The following UCKL1 variants were observed in gnomAD, a reference collection of about 807,000 sequenced individuals.
The protein encoded by UCKL1 is uridine-cytidine kinase 1 like 1.
UCKL1 carries 65 observed loss-of-function variants against 59.2 expected under a neutral mutation model. The ratio of observed to expected loss-of-function variants is 1.10; its 90% confidence interval spans 0.90 to 1.35. The LOEUF (loss-of-function observed/expected upper bound fraction) is 1.35, where lower values mean the gene tolerates loss of function less well. Among genes scored for constraint, UCKL1 ranks in the 40% most tolerant of loss-of-function variants. The pLI, the probability that UCKL1 is intolerant of heterozygous loss-of-function variation, is 0.00. For synonymous variants in UCKL1, 410 were observed against 323.1 expected (o/e 1.27, Z -2.88); for missense variants, 703 against 784.3 (o/e 0.90, Z 1.24).
At chr20:63,950,902 C>T in intron 1 of UCKL1, 1 of 1,420,476 alleles carries the variant, frequency 7.0e-7, no homozygotes, top group Non-Finnish European at 9.2e-7. Context: ...CAGGCGCAGG[C>T]AGCCGTGGGG....
At chr20:63,947,530 G>T (rs986051479) in intron 1 of UCKL1, among the ~76,000 whole-genome samples, 2 of 152,238 alleles carry the variant, frequency 1.3e-5, no homozygotes, top group African/African-American at 2.4e-5. Context: ...GAGAGGCAGA[G>T]GGCTCAGCCA....
At chr20:63,948,662 T>TGTGAGAGGGAGGGGGC in intron 1 of UCKL1, among the ~76,000 whole-genome samples, 1 of 86,786 alleles carries the variant, frequency 1.2e-5, no homozygotes, top group Non-Finnish European at 2.4e-5. Context: ...GAGGGGCGTG[T>TGTGAGAGGGAGGGGGC]GTGAGAGGGA....
intron 1 of UCKL1, chr20:63,948,206 C>T: frequency 6.6e-6 from 1 of 152,356 alleles, no homozygotes; most frequent in Non-Finnish European, 1.5e-5. Context: ...CTTGGCCCTG[C>T]AGGTCATGGC....
At position 63,940,809 on chromosome 20, in the gene UCKL1, G is replaced by C. The variant is rs1194062492; in HGVS notation, c.1164C>G (p.Cys388Trp). The stretch of plus-strand genomic sequence containing the variant: ...AGGCAGGTACCTGCTTCCCCGCATA[G>C]CACTTGCCCGCATAGTCCTGCCCCT... ...TPQGQDYAGK[C>W]YAGKQITGVS... The change falls in exon 11 of 15, where the codon TGC becomes TGG. Residue 388 changes from cysteine to tryptophan, a missense_variant. By Grantham distance (215) the Cys-to-Trp change is radical. Around this residue, in one of 4 missense-constraint regions of UCKL1, gnomAD observed 156 missense variants for 185.6 expected, o/e 0.84. Transcript: ENST00000354216. 15 of 1,579,074 alleles carry C rather than the reference G, an allele frequency of 9.5e-6. No homozygotes were observed. Among genetic ancestry groups the C allele is most frequent in the Admixed American group, 3.4e-5 (2 of 58,330 alleles).
At chr20:63,942,984 C>A (rs2055051164) in intron 8 of UCKL1, among the ~76,000 whole-genome samples, 1 of 152,180 alleles carries the variant, frequency 6.6e-6, no homozygotes. Flanking sequence ...TGAGGGCTCT[C>A]CCTCCAGGTG....
chr20:63,942,534 G>T, intron 8 of UCKL1: 1 of 1,124,828 alleles, frequency 8.9e-7, no homozygotes, highest in Non-Finnish European at 1.1e-6. Flanking sequence ...AACAAGGCAG[G>T]AAACGGGGGT....
At position 63,946,265 on chromosome 20, in the gene UCKL1, AGCCTGCCG is replaced by A. The variant is rs1188216643; in HGVS notation, c.305-6_306del. 6.3e-7 allele frequency: 1 copy of A among 1,588,750 alleles called. No homozygotes were observed. Among genetic ancestry groups the A allele is most frequent in the Non-Finnish European group, 8.6e-7 (1 of 1,168,688 alleles). ...TTCCCAGAGGCACTGCCGCCTCCCA[AGCCTGCCG>A]GCGGGAGTGGAGACCCTCTGTGAGG... On this transcript the variant is annotated splice_acceptor_variant and splice_polypyrimidine_tract_variant and coding_sequence_variant and intron_variant, in exon 3 of 15. Coordinates refer to ENST00000354216, the MANE Select transcript of UCKL1 (RefSeq NM_017859.4). LOFTEE classifies it high-confidence loss of function.
intron 1 of UCKL1, among the ~76,000 whole-genome samples, chr20:63,952,673 G>C (rs1257610468): frequency 1.3e-5 from 2 of 152,246 alleles, no homozygotes; most frequent in Non-Finnish European, 2.9e-5. Flanking sequence ...AGCACCTTCT[G>C]CCTAAGGCTT....
rs1385632907 is a variant in UCKL1 at position 63,951,953 on chromosome 20, G to A, written c.113+4307C>T. 2.0e-5 allele frequency among the ~76,000 whole-genome samples: 3 copies of A among 152,304 alleles called. No homozygotes were observed. The East Asian group carries it at 5.8e-4, about 29-fold the overall frequency. ...CTTCCTCCTACCATGGGTTTCTCTT[G>A]GAGCTTCTAGTACTGAGGCAGGGGC... is the stretch of plus-strand genomic sequence containing the variant. On this transcript the variant is annotated intron_variant, in intron 1 of 14. Coordinates refer to ENST00000354216, the MANE Select transcript of UCKL1 (RefSeq NM_017859.4).
At position 63,944,462 on chromosome 20, in the gene UCKL1, G is replaced by A; in HGVS notation, c.845-4C>T. 6.3e-7 allele frequency: 1 copy of A among 1,577,438 alleles called. No individual in the cohort carries two copies. Among genetic ancestry groups the A allele is most frequent in the Non-Finnish European group, 8.6e-7 (1 of 1,161,384 alleles). ...ATGGCCACCGTGTTGCCGCTCCCTG[G>A]GGCGGGATGGGGGGGCGGGTGACCG... On this transcript the variant is annotated splice_polypyrimidine_tract_variant and splice_region_variant and intron_variant, in intron 6 of 14. Transcript: ENST00000354216.
At position 63,947,701 on chromosome 20, in the gene UCKL1, C is replaced by T. The variant is rs151291365; in HGVS notation, c.114-1058G>A. Among the ~76,000 whole-genome samples, 762 of 152,356 alleles carry T rather than the reference C, an allele frequency of 5.0e-3. 7 individuals carry two copies. Among genetic ancestry groups the T allele is most frequent in the Non-Finnish European group, 8.2e-3 (560 of 68,038 alleles). On this transcript the variant is annotated intron_variant, in intron 1 of 14. Coordinates refer to ENST00000354216, the MANE Select transcript of UCKL1 (RefSeq NM_017859.4). ...CCTGGGTCCCCAAGACAGAAACCTC[C>T]GGCATCTGGCAAACACCAGAGAGGA...
At position 63,940,397 on chromosome 20, in the gene UCKL1, A is replaced by G; in HGVS notation, c.1391T>C (p.Met464Thr). The G allele has an allele frequency of 6.2e-7, 1 of 1,611,762 alleles. No homozygotes were observed. Among genetic ancestry groups the G allele is most frequent in the Non-Finnish European group, 8.5e-7 (1 of 1,179,214 alleles). The change falls in exon 13 of 15, where the codon ATG (methionine) becomes ACG (threonine). Residue 464 changes from methionine (M) to threonine (T), a missense_variant. By Grantham distance (81) the Met-to-Thr change is moderately conservative. This residue lies in a region of UCKL1 where 124 missense variants were observed against 161.1 expected (regional missense o/e 0.77). Coordinates refer to ENST00000354216, the MANE Select transcript of UCKL1 (RefSeq NM_017859.4). ...ACTCACCAGGAGCACGCGCACTGCC[A>G]TCATGGCCGCCGCGCCCGTGGACAC... is the stretch of plus-strand genomic sequence containing the variant. ...CTVSTGAAAM[M>T]AVRVLLDHDV...
chr20:63,941,859 G>C (rs903573534), intron 8 of UCKL1, among the ~76,000 whole-genome samples: 5 of 152,128 alleles, frequency 3.3e-5, no homozygotes, highest in Non-Finnish European at 7.4e-5. Flanking sequence ...GCAGGGAATG[G>C]GGCGGGGCAG....
At chr20:63,945,421 C>T (rs963499072) in intron 5 of UCKL1, among the ~76,000 whole-genome samples, 3 of 152,240 alleles carry the variant, frequency 2.0e-5, no homozygotes, top group African/African-American at 7.2e-5. Flanking sequence ...GCGCACAGGC[C>T]TCAGCCGGTG....
At chr20:63,946,671 G>A (rs200841454) in intron 1 of UCKL1, 28 bp from the exon 2 acceptor site, 277 of 1,591,488 alleles carry the variant, frequency 1.7e-4, no homozygotes, top group Admixed American at 2.4e-4. Context: ...CTCGGATGTG[G>A]CCCAGAGCTG....
Position 63,940,226 on chromosome 20 carries a change from T to C in UCKL1, c.1491A>G (p.Ala497=). 3.7e-6 allele frequency: 6 copies of C among 1,612,784 alleles called. No homozygotes were observed. The highest frequency in any genetic ancestry group is 5.1e-6 in the Non-Finnish European group (6 of 1,179,988). Reference sequence around the variant, plus strand: ...TGGTGATGATTCTCACTCGCGGAAATGCATAGGCCACTGAGTGCACGCCCA... The same window carrying C: ...TGGTGATGATTCTCACTCGCGGAAACGCATAGGCCACTGAGTGCACGCCCA... The part of the protein sequence containing the change: ...AEMGVHSVAY[A]FPRVRIITTA... Residue 497 remains alanine (A), a synonymous_variant, in exon 14 of 15, where the codon GCA becomes GCG. Coordinates refer to ENST00000354216, the MANE Select transcript of UCKL1 (RefSeq NM_017859.4).
chr20:63,943,704 G>A, intron 7 of UCKL1, 35 bp from the exon 8 acceptor site: 1 of 1,612,304 alleles, frequency 6.2e-7, no homozygotes, highest in Non-Finnish European at 8.5e-7. Context: ...CAAGGGAACG[G>A]TGGCGCGTCA....
chr20:63,941,072 C>G (rs751406931), intron 9 of UCKL1, 29 bp from the exon 10 acceptor site: 6 of 1,599,438 alleles, frequency 3.8e-6, no homozygotes, highest in Non-Finnish European at 5.1e-6. Flanking sequence ...AGCGGGAGCA[C>G]GCGCCCGGGG....
intron 2 of UCKL1, 80 bp from the exon 3 acceptor site, chr20:63,946,347 T>C (rs879191892): frequency 1.3e-6 from 2 of 1,530,492 alleles, no homozygotes; most frequent in Non-Finnish European, 1.8e-6. Context: ...CCCATCCCGC[T>C]GCCGCTGCCT....
Sources: allele counts gnomAD v4.1 joint callset (sites outside exome capture counted in the v4.1 genomes callset), GRCh38; gene constraint gnomAD v4.1.1; regional missense constraint gnomAD v4.1.1; transcripts MANE v1.5; gene names NCBI Gene and HGNC (gene_info 2026-07-23, HGNC 2026-07-21).